GMDS: variants seen among roughly 807,000 people sequenced by gnomAD.
GMDS encodes GDP-mannose 4,6-dehydratase, also known as GDP-mannose 4,6 dehydratase.
GMDS carries 20 observed loss-of-function variants against 49.9 expected under a neutral mutation model. The ratio of observed to expected loss-of-function variants is 0.40; its 90% confidence interval spans 0.28 to 0.58. The LOEUF (loss-of-function observed/expected upper bound fraction) is 0.58, where lower values mean the gene tolerates loss of function less well. Ranked by LOEUF, GMDS falls within the 20% of genes least tolerant of loss-of-function variation. The pLI, the probability that GMDS is intolerant of heterozygous loss-of-function variation, is 0.42. For synonymous variants in GMDS, 177 were observed against 178.6 expected (o/e 0.99, Z 0.07); for missense variants, 362 against 481.4 (o/e 0.75, Z 2.32).
intron 9 of GMDS, among the ~76,000 whole-genome samples, chr6:1,714,162 C>T (rs555254454): frequency 8.5e-4 from 130 of 152,172 alleles, no homozygotes; most frequent in Middle Eastern, 3.4e-3. Flanking sequence ...GGACTACAGG[C>T]GCCCACCACC....
At chr6:1,788,721 A>G (rs1239272236) in intron 7 of GMDS, among the ~76,000 whole-genome samples, 1 of 152,202 alleles carries the variant, frequency 6.6e-6, no homozygotes, top group Non-Finnish European at 1.5e-5. Flanking sequence ...CTGTTAATGG[A>G]ACTCTATATT....
chr6:2,044,989 T>A (rs1013499010), intron 4 of GMDS, among the ~76,000 whole-genome samples: 2 of 152,154 alleles, frequency 1.3e-5, no homozygotes, highest in African/African-American at 4.8e-5. Flanking sequence ...GGCACAAAAA[T>A]CATCCATTCA....
At chr6:2,006,964 C>G (rs1317354055) in intron 4 of GMDS, among the ~76,000 whole-genome samples, 1 of 152,174 alleles carries the variant, frequency 6.6e-6, no homozygotes, top group Non-Finnish European at 1.5e-5. Flanking sequence ...GCCCATCTGT[C>G]ATATAATTTC....
At chr6:1,999,928 ATAT>A (rs541935397) in intron 4 of GMDS, among the ~76,000 whole-genome samples, 98 of 84,212 alleles carry the variant, frequency 1.2e-3, no homozygotes, top group Non-Finnish European at 1.8e-3. Flanking sequence ...TACATATTAT[ATAT>A]TATTATATAT....
intron 1 of GMDS, among the ~76,000 whole-genome samples, chr6:2,132,102 A>G (rs1021244446): frequency 2.6e-5 from 4 of 152,214 alleles, no homozygotes; most frequent in African/African-American, 7.2e-5. Context: ...CAGATGAGGA[A>G]TCTGAGGTGA....
At chr6:2,186,157 C>A (rs2127565148) in intron 1 of GMDS, among the ~76,000 whole-genome samples, 1 of 152,174 alleles carries the variant, frequency 6.6e-6, no homozygotes, top group East Asian at 1.9e-4. Context: ...ATGTAAAAAC[C>A]AAGTGTACAA....
At position 2,071,480 on chromosome 6, in the gene GMDS, G is replaced by A. The variant is rs537674597; in HGVS notation, c.345+44291C>T. On this transcript the variant is annotated intron_variant, in intron 4 of 10. Coordinates refer to ENST00000380815, the MANE Select transcript of GMDS (RefSeq NM_001500.4). ...ATTTCTTGAGAACAAAGACAATGCT[G>A]TACACATTTGTATATCCCACATGGC... 3.3e-5 allele frequency among the ~76,000 whole-genome samples: 5 copies of A among 152,014 alleles called. No individual in the cohort carries two copies. In the East Asian group the frequency reaches 5.8e-4, roughly 18 times the overall value.
chr6:1,937,856 A>G (rs1264822082), intron 6 of GMDS, among the ~76,000 whole-genome samples: 1 of 152,196 alleles, frequency 6.6e-6, no homozygotes, highest in Non-Finnish European at 1.5e-5. Context: ...GCTACCACCC[A>G]ACCCACTATA....
chr6:1,963,303 G>T (rs890592812), intron 4 of GMDS, among the ~76,000 whole-genome samples: 3 of 152,052 alleles, frequency 2.0e-5, no homozygotes, highest in Non-Finnish European at 2.9e-5. Flanking sequence ...TCCTACCTCA[G>T]CCTCTTGCTG....
At chr6:2,219,178 C>T (rs993810442) in intron 1 of GMDS, among the ~76,000 whole-genome samples, 13 of 152,144 alleles carry the variant, frequency 8.5e-5, no homozygotes, top group African/African-American at 2.9e-4. Context: ...AGGCATAGGA[C>T]GACTCACCTG....
intron 10 of GMDS, 40 bp downstream of exon 10, chr6:1,624,432 G>A (rs1364357396): frequency 2.4e-5 from 38 of 1,566,038 alleles, no homozygotes; most frequent in Non-Finnish European, 3.3e-5. Flanking sequence ...TGCAGCCCGG[G>A]GCCCCGCAGC....
chr6:1,819,876 C>T (rs1442572627), intron 7 of GMDS, among the ~76,000 whole-genome samples: 11 of 150,442 alleles, frequency 7.3e-5, no homozygotes, highest in African/African-American at 2.4e-4. Flanking sequence ...CTCCTTGCTT[C>T]ACTGTAATGA....
chr6:1,897,088 G>A (rs182702910), intron 7 of GMDS, among the ~76,000 whole-genome samples: 50 of 152,310 alleles, frequency 3.3e-4, no homozygotes, highest in African/African-American at 1.2e-3. Context: ...GGCGAAGGCT[G>A]CTTAGCTGGT....
intron 1 of GMDS, among the ~76,000 whole-genome samples, chr6:2,220,669 G>C (rs181891486): frequency 1.3e-5 from 2 of 151,812 alleles, no homozygotes; most frequent in African/African-American, 2.4e-5. Flanking sequence ...ATGTGTTTAA[G>C]GTATATATGA....
chr6:2,038,077 A>C (rs1769410397), intron 4 of GMDS, among the ~76,000 whole-genome samples: 1 of 152,136 alleles, frequency 6.6e-6, no homozygotes, highest in Non-Finnish European at 1.5e-5. Context: ...GGTGGTGGTG[A>C]AAAAACTAGC....
chr6:1,792,834 C>A (rs894253447), intron 7 of GMDS, among the ~76,000 whole-genome samples: 2 of 152,116 alleles, frequency 1.3e-5, no homozygotes, highest in African/African-American at 4.8e-5. Context: ...TTATGATCTT[C>A]TTTTTAACTC....
intron 1 of GMDS, among the ~76,000 whole-genome samples, chr6:2,208,408 C>A (rs1356906906): frequency 6.6e-6 from 1 of 152,176 alleles, no homozygotes; most frequent in Admixed American, 6.5e-5. Flanking sequence ...CTAAGCAACT[C>A]ACCTAAGGAT....
At chr6:2,001,648 G>A (rs1481496915) in intron 4 of GMDS, among the ~76,000 whole-genome samples, 2 of 152,028 alleles carry the variant, frequency 1.3e-5, no homozygotes, top group Non-Finnish European at 2.9e-5. Flanking sequence ...TATAATACAA[G>A]CAACAGTAAT....
chr6:1,758,267 T>C (rs538977726), intron 7 of GMDS, among the ~76,000 whole-genome samples: 1 of 152,226 alleles, frequency 6.6e-6, no homozygotes, highest in Non-Finnish European at 1.5e-5. Flanking sequence ...GGTCATTATC[T>C]CCACCTCCTG....
Sources: gnomAD v4.1 joint callset for allele counts (sites outside exome capture counted in the v4.1 genomes callset) on GRCh38, gnomAD v4.1.1 for gene constraint, MANE v1.5 for transcripts, NCBI Gene and HGNC (gene_info 2026-07-23, HGNC 2026-07-21) for gene names.